Variants in CELSR2 observed in about 807,000 individuals in gnomAD.
CELSR2 encodes the protein cadherin EGF LAG seven-pass G-type receptor 2.
A neutral mutation model predicts 251.6 loss-of-function variants in CELSR2; 81 were observed. The observed-to-expected ratio is 0.32, with a 90% CI of 0.27 to 0.39. The LOEUF is 0.39. CELSR2 is among the 10% of genes least tolerant of loss of function. CELSR2 has a pLI of 1.00. For missense variants in CELSR2, 3,365 were observed against 3,947.7 expected (o/e 0.85, Z 3.96); for synonymous variants, 1,721 against 1,670.5 (o/e 1.03, Z -0.74).
Position 109,261,151 on chromosome 1 carries a change from A to C in CELSR2, c.4068A>C (p.Pro1356=). The C allele has an allele frequency of 6.2e-7, 1 of 1,614,128 alleles. No individual in the cohort carries two copies. Among genetic ancestry groups the C allele is most frequent in the Non-Finnish European group, 8.5e-7 (1 of 1,180,008 alleles). The change falls in exon 3 of 34, where the codon CCA becomes CCC. Residue 1356 remains proline, a synonymous_variant. Transcript: ENST00000271332. The surrounding 1 kb of genome is among the most constrained non-coding windows in gnomAD (Gnocchi z 4.8). The part of the protein sequence containing the change: ...LLVGGFKCDC[P]SGDFEKPYCQ... ...TGGGCGGTTTCAAGTGCGATTGCCC[A>C]TCTGGAGACTTCGAGAAGCCCTACT...
chr1:109,259,016 C>T lies in CELSR2; in HGVS notation c.3895C>T (p.Pro1299Ser). 6.2e-7 allele frequency: 1 copy of T among 1,602,668 alleles called. No homozygotes were observed. The highest frequency in any genetic ancestry group is 8.5e-7 in the Non-Finnish European group (1 of 1,178,048). ...VDLCYSRPCGPHGRCRSREGG... is the reference protein window; with the variant it reads ...VDLCYSRPCGSHGRCRSREGG... The stretch of plus-strand genomic sequence containing the variant: ...CCTCTGCTACTCGCGGCCCTGTGGC[C>T]CCCACGGGCGCTGCCGCAGCCGCGA... The change falls in exon 2 of 34, where the codon CCC (proline) becomes TCC (serine). Residue 1299 changes from proline (P) to serine (S), a missense_variant. Transcript: ENST00000271332.
chr1:109,250,486 C>T lies in CELSR2; in HGVS notation c.407C>T (p.Pro136Leu), dbSNP rs906376973. 9 of 1,613,640 alleles carry T rather than the reference C, an allele frequency of 5.6e-6. No homozygotes were observed. Among genetic ancestry groups the T allele is most frequent in the Admixed American group, 1.7e-5 (1 of 60,006 alleles). ...AAGCTCACACTGCCCGAGGAGCACC[C>T]GTGCTTAAAGGCTCCACGGCTCAGA... is the stretch of plus-strand genomic sequence containing the variant. Reference protein sequence around the residue: ...QGKLTLPEEHPCLKAPRLRCQ... With the variant: ...QGKLTLPEEHLCLKAPRLRCQ... Residue 136 changes from proline (P) to leucine (L), a missense_variant, in exon 1 of 34, where the codon CCG becomes CTG. Physicochemically the swap from Pro to Leu is moderately conservative, Grantham distance 98 (BLOSUM62 -3). Transcript: ENST00000271332. The surrounding 1 kb of genome is among the most constrained non-coding windows in gnomAD (Gnocchi z 4.4).
rs745822757 is a variant in CELSR2 at position 109,271,243 on chromosome 1, G to GGCCCGGGCCTCCTGTGCT, written c.7628_7645dup (p.Arg2543_Ala2548dup). The GGCCCGGGCCTCCTGTGCT allele has an allele frequency of 6.2e-7, 1 of 1,614,038 alleles. No homozygotes were observed. Among genetic ancestry groups the GGCCCGGGCCTCCTGTGCT allele is most frequent in the Non-Finnish European group, 8.5e-7 (1 of 1,180,004 alleles). On this transcript the variant is annotated inframe_insertion, in exon 26 of 34. Coordinates refer to ENST00000271332, the MANE Select transcript of CELSR2 (RefSeq NM_001408.3). Reference sequence around the variant, plus strand: ...TGAGTGTCTTCCTGTACATCCTGGCGGCCCGGGCCTCCTGTGCTGCCCAGC... The same window carrying GGCCCGGGCCTCCTGTGCT: ...TGAGTGTCTTCCTGTACATCCTGGCGGCCCGGGCCTCCTGTGCTGCCCGGGCCTCCTGTGCTGCCCAGC...
rs72703204 is a variant in CELSR2 at position 109,267,579 on chromosome 1, G to C, written c.6045G>C (p.Arg2015Ser). ...CTGTGCGCCACTGTGATGAGCACAG[G>C]GGGTGGCTCCCCCCAAACCTCTTCA... ...GTAVRHCDEH[R>S]GWLPPNLFNC... Residue 2015 changes from arginine (R) to serine (S), a missense_variant, in exon 16 of 34, where the codon AGG (arginine) becomes AGC (serine). This residue lies in a region of CELSR2 where 2,093 missense variants were observed against 2,382.8 expected (regional missense o/e 0.88). Coordinates refer to ENST00000271332, the MANE Select transcript of CELSR2 (RefSeq NM_001408.3). 2.5e-6 allele frequency: 4 copies of C among 1,614,008 alleles called. No homozygotes were observed. The African/African-American group carries it at 4.0e-5, about 16-fold the overall frequency.
At position 109,265,312 on chromosome 1, in the gene CELSR2, G is replaced by A. The variant is rs1354907697; in HGVS notation, c.5727+1G>A. 6.3e-7 allele frequency: 1 copy of A among 1,598,202 alleles called. No individual in the cohort carries two copies. Among genetic ancestry groups the A allele is most frequent in the Admixed American group, 1.7e-5 (1 of 58,732 alleles). On this transcript the variant is annotated splice_donor_variant, in intron 13 of 33. Coordinates refer to ENST00000271332, the MANE Select transcript of CELSR2 (RefSeq NM_001408.3). LOFTEE classifies it high-confidence loss of function. ...GACAAGCGGCGAGTGCCACTGCAAG[G>A]TGACAGCCCCAAGCAAGCCTCCACT... is the stretch of plus-strand genomic sequence containing the variant.
chr1:109,263,733 C>T lies in CELSR2; in HGVS notation c.4957C>T (p.Leu1653=). 2.5e-6 allele frequency: 4 copies of T among 1,613,826 alleles called. No homozygotes were observed. The highest frequency in any genetic ancestry group is 3.4e-6 in the Non-Finnish European group (4 of 1,179,986). ...MFRTRQADGV[L]LQAITRGRST... is the part of the protein sequence containing the mutation. ...CCGCACGCGCCAGGCCGACGGTGTC[C>T]TGCTGCAGGCCATCACCAGGGGGCG... Residue 1653 remains leucine (L), a synonymous_variant, in exon 9 of 34, where the codon CTG becomes TTG. Coordinates refer to ENST00000271332, the MANE Select transcript of CELSR2 (RefSeq NM_001408.3).
In CELSR2 at chr1:109,272,948, C is replaced by T. The variant is rs764788817; in HGVS notation, c.8259C>T (p.Ala2753=). 69 of 1,613,896 alleles carry T rather than the reference C, an allele frequency of 4.3e-5. No individual in the cohort carries two copies. The highest frequency in any genetic ancestry group is 2.2e-4 in the Admixed American group (13 of 60,008). ...AAGAAGAGGAGGAGGAAGAGGAGGCCGCCTTCCCTGGAGAGCAGGGCTGGG... is the reference window on the plus strand; with the variant it reads ...AAGAAGAGGAGGAGGAAGAGGAGGCTGCCTTCCCTGGAGAGCAGGGCTGGG... ...EEEEEEEEEE[A]AFPGEQGWDS... Residue 2753 remains alanine (A), a synonymous_variant, in exon 31 of 34, where the codon GCC becomes GCT. Transcript: ENST00000271332.
chr1:109,272,349 G>T lies in CELSR2; in HGVS notation c.7998G>T (p.Leu2666=). The T allele has an allele frequency of 2.5e-6, 4 of 1,612,764 alleles. No individual in the cohort carries two copies. Among genetic ancestry groups the T allele is most frequent in the Non-Finnish European group, 3.4e-6 (4 of 1,179,232 alleles). The part of the protein sequence containing the change: ...YQPYGDSAGS[L]HSTSRSGKSQ... ...CCTACGGAGACTCGGCCGGCTCTCT[G>T]CACAGCACCAGTCGCTCGGGCAAGA... The change falls in exon 29 of 34, where the codon CTG becomes CTT. Residue 2666 remains leucine (L), a synonymous_variant. Coordinates refer to ENST00000271332, the MANE Select transcript of CELSR2 (RefSeq NM_001408.3).
In CELSR2 at chr1:109,274,347, A is replaced by G. The variant is rs1175983407; in HGVS notation, c.*298A>G. On this transcript the variant is annotated 3_prime_UTR_variant, in exon 34 of 34. Transcript: ENST00000271332. ...AAAAAGAATTTAAAAAAGGATCTCC[A>G]CTCTTCATGACTTCAGGGATTCATT... The G allele has an allele frequency of 1.9e-6, 1 of 537,556 alleles. No homozygotes were observed. The highest frequency in any genetic ancestry group is 3.2e-5 in the East Asian group (1 of 31,126). 33.3% of individuals were successfully genotyped at this position (537,556 alleles called of 1,614,324 possible).
intron 11 of CELSR2, 23 bp downstream of exon 11, chr1:109,264,651 C>G (rs765487152): frequency 1.9e-6 from 3 of 1,602,564 alleles, no homozygotes; most frequent in African/African-American, 2.7e-5. Flanking sequence ...TCCAGGGCAA[C>G]GGGCAGGTTA....
chr1:109,252,235 T>G lies in CELSR2; in HGVS notation c.2156T>G (p.Val719Gly). The G allele has an allele frequency of 6.2e-7, 1 of 1,613,348 alleles. No homozygotes were observed. The highest frequency in any genetic ancestry group is 1.1e-5 in the South Asian group (1 of 91,070). Residue 719 changes from valine to glycine, a missense_variant, in exon 1 of 34, where the codon GTG becomes GGG. By Grantham distance (109) the Val-to-Gly change is moderately radical. Coordinates refer to ENST00000271332, the MANE Select transcript of CELSR2 (RefSeq NM_001408.3). This position sits in a 1 kb window ranked among gnomAD's most constrained non-coding sequence, Gnocchi z 4.8. ...GTCTTTCAGAGCTCCCACTATACAG[T>G]GAATGTTAATGAGGACCGGCCGGCA... is the stretch of plus-strand genomic sequence containing the variant. The part of the protein sequence containing the change: ...RPVFQSSHYT[V>G]NVNEDRPAGT...
intron 11 of CELSR2, 74 bp downstream of exon 11, chr1:109,264,702 T>C (rs1446135980): frequency 8.9e-6 from 14 of 1,578,244 alleles, no homozygotes; most frequent in South Asian, 3.5e-5. Context: ...CTGTGTGACC[T>C]GGGGCATGGG....
intron 7 of CELSR2, 31 bp downstream of exon 7, chr1:109,263,000 G>A (rs1410251455): frequency 6.2e-7 from 1 of 1,605,938 alleles, no homozygotes; most frequent in Non-Finnish European, 8.5e-7. Context: ...GCCAGGCTGG[G>A]ATCCCAGTGC....
At position 109,249,993 on chromosome 1, in the gene CELSR2, C is replaced by T. The variant is rs1359203879; in HGVS notation, c.-87C>T. ...GCCCCCGGGGACTGGCGCCCTGGCC[C>T]GGGCATGAGGCGCGGCGGGGCCGGC... On this transcript the variant is annotated 5_prime_UTR_variant, in exon 1 of 34. Transcript: ENST00000271332. 1.7e-6 allele frequency: 2 copies of T among 1,185,920 alleles called. No homozygotes were observed. Among genetic ancestry groups the T allele is most frequent in the East Asian group, 3.6e-5 (1 of 28,144 alleles). 73.5% of individuals were successfully genotyped at this position (1,185,920 alleles called of 1,614,324 possible).
In CELSR2 at chr1:109,251,705, C is replaced by T; in HGVS notation, c.1626C>T (p.Tyr542=). ...CTGGTGACAATGCCCGCCTGGAATA[C>T]CGCCTTGCTGGGGTGGGACATGACT... The part of the protein sequence containing the change: ...ADAGDNARLE[Y]RLAGVGHDFP... The change falls in exon 1 of 34, where the codon TAC becomes TAT. Residue 542 remains tyrosine, a synonymous_variant. Transcript: ENST00000271332. The surrounding 1 kb of genome is among the most constrained non-coding windows in gnomAD (Gnocchi z 4.9). 3 of 1,614,120 alleles carry T rather than the reference C, an allele frequency of 1.9e-6. No individual in the cohort carries two copies. The highest frequency in any genetic ancestry group is 2.5e-6 in the Non-Finnish European group (3 of 1,180,026).
rs1553181643 is a variant in CELSR2 at position 109,274,130 on chromosome 1, T to TCCTGCCCCGCTCCCCATCG, written c.*89_*107dup. The TCCTGCCCCGCTCCCCATCG allele has an allele frequency of 6.2e-7, 1 of 1,611,152 alleles. No individual in the cohort carries two copies. Among genetic ancestry groups the TCCTGCCCCGCTCCCCATCG allele is most frequent in the African/African-American group, 1.3e-5 (1 of 74,808 alleles). On this transcript the variant is annotated 3_prime_UTR_variant, in exon 34 of 34. Coordinates refer to ENST00000271332, the MANE Select transcript of CELSR2 (RefSeq NM_001408.3). The stretch of plus-strand genomic sequence containing the variant: ...TGCCCTGCTCCTGTCTTGTGCTTTA[T>TCCTGCCCCGCTCCCCATCG]CCTGCCCCGCTCCCCATCGCCTGCC...
rs755453775 is a variant in CELSR2 at position 109,251,266 on chromosome 1, C to T, written c.1187C>T (p.Ala396Val). 3 of 1,613,960 alleles carry T rather than the reference C, an allele frequency of 1.9e-6. No individual in the cohort carries two copies. Among genetic ancestry groups the T allele is most frequent in the East Asian group, 2.2e-5 (1 of 44,882 alleles). Reference sequence around the variant, plus strand: ...TCTGTGGAGGATGACAATGATAATGCCCCCCAGTTTAGTGAGAAGCGCTAT... The same window carrying T: ...TCTGTGGAGGATGACAATGATAATGTCCCCCAGTTTAGTGAGAAGCGCTAT... ...FLSVEDDNDN[A>V]PQFSEKRYVV... The change falls in exon 1 of 34, where the codon GCC (alanine) becomes GTC (valine). Residue 396 changes from alanine (A) to valine (V), a missense_variant. Ala to Val is a moderately conservative substitution (Grantham distance 64). Coordinates refer to ENST00000271332, the MANE Select transcript of CELSR2 (RefSeq NM_001408.3). This position sits in a 1 kb window ranked among gnomAD's most constrained non-coding sequence, Gnocchi z 4.9.
At chr1:109,272,546 C>T (rs1656401670) in intron 29 of CELSR2, 94 bp from the exon 30 acceptor site, 2 of 1,484,278 alleles carry the variant, frequency 1.3e-6, no homozygotes, top group African/African-American at 2.8e-5. Context: ...TGTAAGGGAC[C>T]CACAGCAGGA....
chr1:109,272,141 G>C (rs1656388787), intron 28 of CELSR2, 137 bp from the exon 29 acceptor site: 2 of 1,179,150 alleles, frequency 1.7e-6, no homozygotes, highest in African/African-American at 3.1e-5. Flanking sequence ...GGGGACAGCG[G>C]AGAAGCAGGG....
Sources: gnomAD v4.1 joint callset for allele counts on GRCh38, gnomAD v4.1.1 for gene constraint, gnomAD v4.1.1 regional missense constraint, Gnocchi (gnomAD v3.1) non-coding constraint, MANE v1.5 for transcripts, NCBI Gene and HGNC (gene_info 2026-07-23, HGNC 2026-07-21) for gene names.